The following ZSWIM6 variants were observed in gnomAD, a reference collection of about 807,000 sequenced individuals.
ZSWIM6 encodes zinc finger SWIM-type containing 6.
In ZSWIM6, 9 loss-of-function variants were observed where a neutral mutation model predicts 113.2. That is an observed-to-expected ratio of 0.08 (90% confidence interval 0.05 to 0.14). ZSWIM6 has a LOEUF of 0.14. ZSWIM6 is among the 10% of genes least tolerant of loss of function. The pLI is 1.00. For missense variants in ZSWIM6, 1,162 were observed against 1,552.2 expected (o/e 0.75, Z 4.22); for synonymous variants, 611 against 606.5 (o/e 1.01, Z -0.11).
rs143869215 is a variant in ZSWIM6, at chr5:61,366,377, A to G, written c.676+33429A>G. 1.2e-4 allele frequency among the ~76,000 whole-genome samples: 18 copies of G among 152,330 alleles called. No homozygotes were observed. The East Asian group carries it at 3.1e-3, about 26-fold the overall frequency. On this transcript the variant is annotated intron_variant, in intron 1 of 13. Transcript: ENST00000252744. ...AGTGTGCTCCAGCAAGACCAAGTTT[A>G]TGTGTAGGTCTGAAATGTGTGGTAT...
intron 1 of ZSWIM6, among the ~76,000 whole-genome samples, chr5:61,362,928 CTT>C (rs1329534321): frequency 6.6e-6 from 1 of 152,232 alleles, no homozygotes; most frequent in Non-Finnish European, 1.5e-5. Flanking sequence ...CAAGACAAGA[CTT>C]ATCCCTAAAA....
rs186690987 is a variant in ZSWIM6 at position 61,509,521 on chromosome 5, A to G, written c.1334-11742A>G. ...TTCAGAAATGCCTCCTGGTGGGAGT[A>G]GGTAAGGATGCAGTTGATAATCCAG... On this transcript the variant is annotated intron_variant, in intron 4 of 13. Transcript: ENST00000252744. Among the ~76,000 whole-genome samples, 28 of 152,280 alleles carry G rather than the reference A, an allele frequency of 1.8e-4. No individual in the cohort carries two copies. In the East Asian group the frequency reaches 2.3e-3, roughly 13 times the overall value.
intron 1 of ZSWIM6, among the ~76,000 whole-genome samples, chr5:61,399,213 C>T (rs1167566249): frequency 6.8e-6 from 1 of 148,006 alleles, no homozygotes; most frequent in African/African-American, 2.5e-5. Context: ...GTGTGAGCCA[C>T]TGCGCCTGGC....
intron 2 of ZSWIM6, among the ~76,000 whole-genome samples, chr5:61,488,795 T>A (rs1322461933): frequency 6.6e-6 from 1 of 151,948 alleles, no homozygotes; most frequent in Middle Eastern, 3.2e-3. Context: ...TTTTTTTCAA[T>A]CAACAGTATG....
At chr5:61,364,682 G>A (rs1259535687) in intron 1 of ZSWIM6, among the ~76,000 whole-genome samples, 1 of 152,136 alleles carries the variant, frequency 6.6e-6, no homozygotes, top group African/African-American at 2.4e-5. Context: ...TTCAGTGTCT[G>A]GTGTGGGCCC....
intron 1 of ZSWIM6, among the ~76,000 whole-genome samples, chr5:61,418,832 A>T (rs1318589932): frequency 6.6e-6 from 1 of 151,926 alleles, no homozygotes; most frequent in Non-Finnish European, 1.5e-5. Context: ...ACTTACTATT[A>T]TTTTTTTGAG....
chr5:61,389,801 T>C (rs1200615727), intron 1 of ZSWIM6, among the ~76,000 whole-genome samples: 5 of 152,190 alleles, frequency 3.3e-5, no homozygotes, highest in South Asian at 2.1e-4. Context: ...GCCACAGATA[T>C]ATCTTGATGA....
At chr5:61,499,925 C>T (rs901311126) in intron 4 of ZSWIM6, among the ~76,000 whole-genome samples, 5 of 151,804 alleles carry the variant, frequency 3.3e-5, no homozygotes, top group Non-Finnish European at 7.4e-5. Flanking sequence ...TTATTTAATC[C>T]CTGAAACAAT....
intron 1 of ZSWIM6, among the ~76,000 whole-genome samples, chr5:61,416,793 A>G (rs1184707755): frequency 6.6e-6 from 1 of 152,254 alleles, no homozygotes; most frequent in Non-Finnish European, 1.5e-5. Context: ...ACAGAAGTTG[A>G]GGAAGGTAGA....
intron 1 of ZSWIM6, among the ~76,000 whole-genome samples, chr5:61,351,166 G>T (rs905706148): frequency 6.6e-6 from 1 of 152,096 alleles, no homozygotes; most frequent in Non-Finnish European, 1.5e-5. Context: ...ATTCATCGAG[G>T]TGTATCATGC....
At chr5:61,514,776 T>A (rs2112250267) in intron 4 of ZSWIM6, among the ~76,000 whole-genome samples, 1 of 152,308 alleles carries the variant, frequency 6.6e-6, no homozygotes, top group Admixed American at 6.5e-5. Flanking sequence ...TTTGCTAATA[T>A]TTTTGTGGAG....
At chr5:61,433,823 A>G (rs1746637475) in intron 1 of ZSWIM6, among the ~76,000 whole-genome samples, 1 of 151,806 alleles carries the variant, frequency 6.6e-6, no homozygotes, top group Admixed American at 6.6e-5. Context: ...ATATAAAGAA[A>G]ACTTGACAAA....
intron 2 of ZSWIM6, among the ~76,000 whole-genome samples, chr5:61,487,537 C>CT (rs1748053625): frequency 1.3e-5 from 2 of 151,836 alleles, no homozygotes; most frequent in African/African-American, 2.4e-5. Context: ...GATGTTTTTC[C>CT]ATTTGTTTGT....
chr5:61,346,612 T>G (rs1744663921), intron 1 of ZSWIM6, among the ~76,000 whole-genome samples: 1 of 152,234 alleles, frequency 6.6e-6, no homozygotes, highest in African/African-American at 2.4e-5. Context: ...TGATGTGAGC[T>G]CTAGCTTAAC....
At chr5:61,389,611 C>T (rs142615492) in intron 1 of ZSWIM6, among the ~76,000 whole-genome samples, 31 of 146,612 alleles carry the variant, frequency 2.1e-4, no homozygotes, top group African/African-American at 5.8e-4. Flanking sequence ...GCTGGGAAAG[C>T]GAGAAAGTCT....
chr5:61,348,990 G>A (rs921202602), intron 1 of ZSWIM6, among the ~76,000 whole-genome samples: 1 of 152,048 alleles, frequency 6.6e-6, no homozygotes, highest in Non-Finnish European at 1.5e-5. Context: ...GAGAAAATGA[G>A]GGACAGTTTT....
chr5:61,433,422 A>G (rs1320642702), intron 1 of ZSWIM6, among the ~76,000 whole-genome samples: 3 of 151,804 alleles, frequency 2.0e-5, no homozygotes, highest in Non-Finnish European at 2.9e-5. Context: ...TCTGTAGTAT[A>G]TAATAGCTTA....
chr5:61,470,078 C>G (rs560355453), intron 1 of ZSWIM6, among the ~76,000 whole-genome samples: 1 of 152,128 alleles, frequency 6.6e-6, no homozygotes, highest in Admixed American at 6.5e-5. Flanking sequence ...ACTGGTTTAA[C>G]GCTTGGATCC....
At chr5:61,540,881 C>T (rs1227030988) in intron 12 of ZSWIM6, among the ~76,000 whole-genome samples, 2 of 149,300 alleles carry the variant, frequency 1.3e-5, no homozygotes, top group Non-Finnish European at 3.0e-5. Context: ...TCCCACAGGG[C>T]CTCTGGGGAT....
Sources: allele counts gnomAD v4.1 joint callset (sites outside exome capture counted in the v4.1 genomes callset), GRCh38; gene constraint gnomAD v4.1.1; transcripts MANE v1.5; gene names NCBI Gene and HGNC (gene_info 2026-07-23, HGNC 2026-07-21).